EXT1: variants seen among roughly 807,000 people sequenced by gnomAD.
EXT1 encodes the protein exostosin-1.
Under a neutral mutation model 82.5 loss-of-function variants are expected in EXT1, and 20 were observed. The observed-to-expected ratio is 0.24, with a 90% CI of 0.17 to 0.35. EXT1 has a LOEUF of 0.35. Among genes scored for constraint, EXT1 ranks in the 10% least tolerant of loss-of-function variants. EXT1 has a pLI of 1.00. For missense variants in EXT1, 757 were observed against 936.5 expected (o/e 0.81, Z 2.50); for synonymous variants, 348 against 350.8 (o/e 0.99, Z 0.09).
At chr8:118,083,108 G>A (rs918737374) in intron 1 of EXT1, among the ~76,000 whole-genome samples, 9 of 152,172 alleles carry the variant, frequency 5.9e-5, no homozygotes, top group Non-Finnish European at 8.8e-5. Flanking sequence ...TGGAGAAACA[G>A]ACATATCTCC....
At chr8:118,088,833 T>C (rs1203141508) in intron 1 of EXT1, among the ~76,000 whole-genome samples, 2 of 152,176 alleles carry the variant, frequency 1.3e-5, no homozygotes. Flanking sequence ...AATAAACAGT[T>C]TGAAAGCACC....
At chr8:118,017,780 A>G (rs901754874) in intron 1 of EXT1, among the ~76,000 whole-genome samples, 4 of 152,220 alleles carry the variant, frequency 2.6e-5, no homozygotes, top group Non-Finnish European at 5.9e-5. Context: ...AACTGTTTCC[A>G]ACCGTAATTG....
At chr8:118,040,006 T>A (rs914682270) in intron 1 of EXT1, among the ~76,000 whole-genome samples, 1 of 152,214 alleles carries the variant, frequency 6.6e-6, no homozygotes, top group Non-Finnish European at 1.5e-5. Flanking sequence ...AGTCCTGCAA[T>A]GTTGAAATTG....
intron 1 of EXT1, among the ~76,000 whole-genome samples, chr8:117,910,678 A>G (rs900957689): frequency 2.6e-5 from 4 of 152,222 alleles, no homozygotes; most frequent in African/African-American, 7.2e-5. Flanking sequence ...CATATGTTAT[A>G]CAATTTAAGC....
chr8:117,884,489 G>A (rs568913302), intron 1 of EXT1, among the ~76,000 whole-genome samples: 6 of 152,226 alleles, frequency 3.9e-5, no homozygotes, highest in East Asian at 1.9e-4. Flanking sequence ...GTGGGCAGTC[G>A]GCTTCATACC....
At chr8:117,897,361 C>G (rs1813359157) in intron 1 of EXT1, among the ~76,000 whole-genome samples, 1 of 152,140 alleles carries the variant, frequency 6.6e-6, no homozygotes, top group Non-Finnish European at 1.5e-5. Flanking sequence ...TGACTGCTCT[C>G]CCCCACGAGT....
At chr8:117,907,999 C>T (rs1466720336) in intron 1 of EXT1, among the ~76,000 whole-genome samples, 4 of 152,160 alleles carry the variant, frequency 2.6e-5, no homozygotes, top group African/African-American at 7.2e-5. Context: ...AAAGGGCAAT[C>T]GTAAACATCG....
chr8:117,968,549 A>ATGTTT, intron 1 of EXT1, among the ~76,000 whole-genome samples: 1 of 11,318 alleles, frequency 8.8e-5, no homozygotes, highest in Non-Finnish European at 1.8e-4. Context: ...TTATTTATTT[A>ATGTTT]TTTATTTTTT....
chr8:117,807,448 C>T, intron 8 of EXT1, 71 bp from the exon 9 acceptor site: 1 of 1,550,204 alleles, frequency 6.5e-7, no homozygotes, highest in Non-Finnish European at 8.9e-7. Context: ...TTACCTTCTC[C>T]CCACTAATTC....
At chr8:117,869,753 G>A (rs952773734) in intron 1 of EXT1, among the ~76,000 whole-genome samples, 2 of 151,962 alleles carry the variant, frequency 1.3e-5, no homozygotes, top group African/African-American at 4.8e-5. Flanking sequence ...GAAAAGGAAG[G>A]GTGGAGTTCA....
chr8:118,011,659 T>C (rs534640394), intron 1 of EXT1, among the ~76,000 whole-genome samples: 1 of 152,170 alleles, frequency 6.6e-6, no homozygotes, highest in Non-Finnish European at 1.5e-5. Flanking sequence ...AGTGATCATT[T>C]CTGGTTTGTC....
At chr8:117,851,446 C>T (rs1812451761) in intron 1 of EXT1, among the ~76,000 whole-genome samples, 1 of 149,978 alleles carries the variant, frequency 6.7e-6, no homozygotes, top group Admixed American at 6.6e-5. Flanking sequence ...GCCCAGTTTC[C>T]ACAGAAGTGC....
At chr8:117,930,374 A>G (rs28357293) in intron 1 of EXT1, among the ~76,000 whole-genome samples, 1 of 151,106 alleles carries the variant, frequency 6.6e-6, no homozygotes, top group Non-Finnish European at 1.5e-5. Flanking sequence ...ATGCAAATTA[A>G]TTACTTTATT....
At chr8:117,840,857 T>C (rs992337950) in intron 1 of EXT1, among the ~76,000 whole-genome samples, 9 of 152,252 alleles carry the variant, frequency 5.9e-5, no homozygotes, top group Admixed American at 3.9e-4. Context: ...ATAACTACAA[T>C]GAATGAGATA....
intron 1 of EXT1, among the ~76,000 whole-genome samples, chr8:117,912,039 G>C (rs779246676): frequency 9.2e-5 from 14 of 152,162 alleles, no homozygotes; most frequent in Non-Finnish European, 1.8e-4. Context: ...AAGAGAGAGA[G>C]AGGATAAGAG....
chr8:118,000,830 A>C (rs961248732), intron 1 of EXT1, among the ~76,000 whole-genome samples: 1 of 152,226 alleles, frequency 6.6e-6, no homozygotes, highest in African/African-American at 2.4e-5. Flanking sequence ...AAAGAGCAAG[A>C]GAGACTGAGA....
At chr8:117,811,250 A>C (rs1823318391) in intron 8 of EXT1, among the ~76,000 whole-genome samples, 1 of 152,186 alleles carries the variant, frequency 6.6e-6, no homozygotes, top group Admixed American at 6.5e-5. Context: ...TCTCTCAATA[A>C]ATACTTGTTG....
chr8:118,000,933 C>T (rs558554946), intron 1 of EXT1, among the ~76,000 whole-genome samples: 1 of 152,254 alleles, frequency 6.6e-6, no homozygotes, highest in South Asian at 2.1e-4. Context: ...ATATGCTAGA[C>T]GAGGAGAGCT....
chr8:117,864,767 G>A lies in EXT1; in HGVS notation c.963-27566C>T, dbSNP rs1196119088. Among the ~76,000 whole-genome samples, 7 of 134,614 alleles carry A rather than the reference G, an allele frequency of 5.2e-5. No individual in the cohort carries two copies. In the South Asian group the frequency reaches 9.4e-4, roughly 18 times the overall value. The allele number at this position is 134,614 out of a possible 152,430, so 88.3% of individuals were successfully genotyped here. A position where few individuals can be genotyped will look rare whatever the true frequency, so the allele number is the denominator to read the frequency against. On this transcript the variant is annotated intron_variant, in intron 1 of 10. Transcript: ENST00000378204. ...CTGCCTCAAAAAAAAAAAAAAAATCGCAAAAAAAAAAAAAAATCTCATAAT... is the reference window on the plus strand; with the variant it reads ...CTGCCTCAAAAAAAAAAAAAAAATCACAAAAAAAAAAAAAAATCTCATAAT...
Sources: allele counts gnomAD v4.1 joint callset (sites outside exome capture counted in the v4.1 genomes callset), GRCh38; gene constraint gnomAD v4.1.1; transcripts MANE v1.5; gene names NCBI Gene and HGNC (gene_info 2026-07-23, HGNC 2026-07-21).